The following DNAH3 variants were observed in gnomAD, a reference collection of about 807,000 sequenced individuals.
The protein encoded by DNAH3 is axonemal beta dynein heavy chain 3.
A neutral mutation model predicts 432.5 loss-of-function variants in DNAH3; 332 were observed. The observed-to-expected ratio is 0.77, with a 90% CI of 0.70 to 0.84. The LOEUF is 0.84. Among genes scored for constraint, DNAH3 ranks in the 40% least tolerant of loss-of-function variants. The pLI, the probability that DNAH3 is intolerant of heterozygous loss-of-function variation, is 0.00. For missense variants in DNAH3, 4,861 were observed against 5,114.0 expected (o/e 0.95, Z 1.51); for synonymous variants, 1,956 against 1,900.2 (o/e 1.03, Z -0.76).
At chr16:21,130,106 A>AC (rs1026756773) in intron 7 of DNAH3, 7 of 149,602 alleles carry the variant, frequency 4.7e-5, no homozygotes, top group Non-Finnish European at 8.8e-5. Context: ...AAAAAAAAAA[A>AC]AAACAAATGA....
intron 52 of DNAH3, among the ~76,000 whole-genome samples, chr16:20,968,140 C>T (rs773349156): frequency 2.6e-5 from 4 of 152,202 alleles, no homozygotes; most frequent in Non-Finnish European, 5.9e-5. Flanking sequence ...AGGATCACGG[C>T]TCACTGCAGC....
intron 52 of DNAH3, among the ~76,000 whole-genome samples, chr16:20,966,701 G>A (rs950451): frequency 0.5 from 76,349 of 152,034 alleles, 19,393 homozygotes; most frequent in South Asian, 0.6. Flanking sequence ...AAAAGGCAGC[G>A]GGAGCCACAG....
chr16:21,144,278 T>C (rs1274284839), intron 3 of DNAH3, among the ~76,000 whole-genome samples: 1 of 152,150 alleles, frequency 6.6e-6, no homozygotes, highest in Non-Finnish European at 1.5e-5. Context: ...AAGATGTCAC[T>C]TCCAAGATTA....
intron 41 of DNAH3, among the ~76,000 whole-genome samples, chr16:21,006,888 G>A (rs1374412782): frequency 1.3e-5 from 2 of 152,124 alleles, no homozygotes; most frequent in Non-Finnish European, 2.9e-5. Flanking sequence ...TGTTGCCCAG[G>A]CTGGTCTTGA....
At chr16:21,081,805 T>C (rs948366696) in intron 19 of DNAH3, 78 bp from the exon 20 acceptor site, 4 of 1,261,084 alleles carry the variant, frequency 3.2e-6, no homozygotes, top group African/African-American at 3.0e-5. Flanking sequence ...ATGATGGAGA[T>C]GTTCTTTTTA....
rs750988306 is a variant in DNAH3, at chr16:20,979,565, C to T, written c.7860-19G>A. On this transcript the variant is annotated intron_variant, in intron 49 of 61. Coordinates refer to ENST00000261383, the Ensembl canonical transcript of DNAH3. The stretch of plus-strand genomic sequence containing the variant: ...CACGACCCTGCCGAGGACACCAAGG[C>T]GGTTAGGCAGGACCCAACATCTTCC... 6.1e-5 allele frequency: 99 copies of T among 1,612,390 alleles called. No individual in the cohort carries two copies. The highest frequency in any genetic ancestry group is 7.6e-5 in the Non-Finnish European group (90 of 1,178,750).
At chr16:20,956,457 A>G (rs1420108627) in intron 54 of DNAH3, among the ~76,000 whole-genome samples, 1 of 152,122 alleles carries the variant, frequency 6.6e-6, no homozygotes, top group African/African-American at 2.4e-5. Flanking sequence ...TGTACTGTGG[A>G]ACGTGGACTA....
At chr16:20,957,242 A>G (rs563852095) in intron 54 of DNAH3, among the ~76,000 whole-genome samples, 39 of 152,332 alleles carry the variant, frequency 2.6e-4, no homozygotes, top group African/African-American at 9.1e-4. Context: ...CAAATAGTAC[A>G]TATTTTAGAC....
At chr16:21,042,715 T>C (rs2089502252) in intron 31 of DNAH3, among the ~76,000 whole-genome samples, 1 of 152,178 alleles carries the variant, frequency 6.6e-6, no homozygotes, top group African/African-American at 2.4e-5. Flanking sequence ...AGGGTACACG[T>C]GCACATTGTG....
intron 12 of DNAH3, among the ~76,000 whole-genome samples, chr16:21,116,321 G>A (rs1347908670): frequency 1.3e-5 from 2 of 152,034 alleles, no homozygotes; most frequent in Admixed American, 1.3e-4. Context: ...GAAGGACTCG[G>A]TGGGAGGTAA....
At chr16:21,136,358 C>A in exon 6 of DNAH3, 1 of 1,613,976 alleles carries the variant, frequency 6.2e-7, no homozygotes, top group Non-Finnish European at 8.5e-7. Context: ...AATAGTCATT[C>A]TCCTTCTCCT....
chr16:20,966,004 T>C (rs11863262), intron 52 of DNAH3, among the ~76,000 whole-genome samples: 118,234 of 140,522 alleles, frequency 0.84, 50,097 homozygotes, highest in African/African-American at 0.95. Flanking sequence ...TGAGCCACCA[T>C]GCCCAGCCAA....
chr16:21,073,537 C>G (rs1357343284), intron 21 of DNAH3, among the ~76,000 whole-genome samples: 1 of 150,758 alleles, frequency 6.6e-6, no homozygotes, highest in Non-Finnish European at 1.5e-5. Context: ...GGTCTCAGAA[C>G]ATGATACCCC....
chr16:21,033,786 A>T (rs1262045052), intron 36 of DNAH3, among the ~76,000 whole-genome samples, 188 bp downstream of exon 36: 1 of 152,144 alleles, frequency 6.6e-6, no homozygotes, highest in Non-Finnish European at 1.5e-5. Context: ...ATCCCTTGTT[A>T]TTATAGAAGC....
At chr16:21,049,730 A>G (rs1487170420) in intron 30 of DNAH3, 48 bp from the exon 31 acceptor site, 1 of 1,546,578 alleles carries the variant, frequency 6.5e-7, no homozygotes, top group South Asian at 1.1e-5. Context: ...ATTCCATCCC[A>G]TCTGAATTAC....
At chr16:20,955,796 A>C (rs1355501621) in intron 54 of DNAH3, among the ~76,000 whole-genome samples, 3 of 152,194 alleles carry the variant, frequency 2.0e-5, no homozygotes, top group Non-Finnish European at 4.4e-5. Context: ...CTATGCCCAC[A>C]AAAAATGGAA....
At chr16:20,984,029 G>GAAAAAAAAAAAAAAAAAAAAAAAAAAAA (rs61475224) in intron 48 of DNAH3, among the ~76,000 whole-genome samples, 1 of 112,154 alleles carries the variant, frequency 8.9e-6, no homozygotes, top group African/African-American at 3.5e-5. Flanking sequence ...CCTATATCCA[G>GAAAAAAAAAAAAAAAAAAAAAAAAAAAA]AAAAAAAAAA....
intron 18 of DNAH3, among the ~76,000 whole-genome samples, chr16:21,092,457 T>G (rs1317619388): frequency 6.6e-6 from 1 of 151,936 alleles, no homozygotes; most frequent in Admixed American, 6.6e-5. Context: ...TCTTACACCC[T>G]TCACAAAAAT....
chr16:21,048,155 T>C (rs968869768), intron 31 of DNAH3, among the ~76,000 whole-genome samples: 5 of 152,208 alleles, frequency 3.3e-5, no homozygotes, highest in Non-Finnish European at 5.9e-5. Context: ...CCCCCAGAGG[T>C]GGAGCCTGCA....
Sources: allele counts gnomAD v4.1 joint callset (sites outside exome capture counted in the v4.1 genomes callset), GRCh38; gene constraint gnomAD v4.1.1; transcripts MANE v1.5; gene names NCBI Gene and HGNC (gene_info 2026-07-23, HGNC 2026-07-21).